DYNC1I1: variants seen among roughly 807,000 people sequenced by gnomAD.
DYNC1I1 encodes the protein dynein cytoplasmic 1 intermediate chain 1.
Under a neutral mutation model 86.6 loss-of-function variants are expected in DYNC1I1, and 43 were observed. The observed-to-expected ratio is 0.50, with a 90% confidence interval of 0.39 to 0.64. DYNC1I1 has a LOEUF of 0.64. DYNC1I1 is among the 30% of genes least tolerant of loss of function. The pLI is 0.00. For missense variants in DYNC1I1, 604 were observed against 788.8 expected, an observed-to-expected ratio of 0.77 and a Z score of 2.81; for synonymous variants, 262 against 283.7, an observed-to-expected ratio of 0.92 and a Z score of 0.77.
At chr7:95,860,090 A>G (rs915151725) in intron 5 of DYNC1I1, among the ~76,000 whole-genome samples, 1 of 152,180 alleles carries the variant, frequency 6.6e-6, no homozygotes, top group African/African-American at 2.4e-5. Context: ...ATGCACGGTT[A>G]TTCAAATTAA....
chr7:95,831,874 T>C (rs1334282399), intron 5 of DYNC1I1, among the ~76,000 whole-genome samples: 1 of 152,176 alleles, frequency 6.6e-6, no homozygotes, highest in South Asian at 2.1e-4. Context: ...TTTCAGTTCT[T>C]TATATATTTT....
chr7:96,043,542 A>AT lies in DYNC1I1; in HGVS notation c.1509+4121_1509+4122insT, dbSNP rs531979689. ...TTGGAAGTGGAAACAATGTATTAAA[A>AT]AAAAAAAAACAGAACAAAACAAAAC... On this transcript the variant is annotated intron_variant, in intron 14 of 16. Coordinates refer to ENST00000447467, the MANE Select transcript of DYNC1I1 (RefSeq NM_001135556.2). Among the ~76,000 whole-genome samples, 960 of 152,046 alleles carry AT rather than the reference A, an allele frequency of 6.3e-3. 7 individuals are homozygous for AT. The highest frequency in any genetic ancestry group is 0.022 in the African/African-American group (909 of 41,474).
intron 16 of DYNC1I1, among the ~76,000 whole-genome samples, chr7:96,106,493 C>A (rs1357159262): frequency 6.6e-6 from 1 of 152,022 alleles, no homozygotes; most frequent in Non-Finnish European, 1.5e-5. Flanking sequence ...CAAGATCGCG[C>A]CATTGCACTC....
At chr7:96,055,255 G>C (rs1789539327) in intron 14 of DYNC1I1, among the ~76,000 whole-genome samples, 1 of 151,992 alleles carries the variant, frequency 6.6e-6, no homozygotes, top group Non-Finnish European at 1.5e-5. Context: ...ACTGGGGTCT[G>C]TCGGGGGCTT....
intron 6 of DYNC1I1, among the ~76,000 whole-genome samples, chr7:95,873,487 A>T (rs1409308611): frequency 6.6e-6 from 1 of 152,236 alleles, no homozygotes; most frequent in East Asian, 1.9e-4. Context: ...TAGAGAATTA[A>T]GGTATTCACA....
intron 1 of DYNC1I1, among the ~76,000 whole-genome samples, chr7:95,777,930 C>T (rs1793888146): frequency 6.6e-6 from 1 of 152,116 alleles, no homozygotes; most frequent in Non-Finnish European, 1.5e-5. Context: ...ACATCTAATG[C>T]TTTTCATCAT....
chr7:96,029,686 C>T (rs531506113), intron 11 of DYNC1I1, among the ~76,000 whole-genome samples: 25 of 152,200 alleles, frequency 1.6e-4, no homozygotes, highest in African/African-American at 5.8e-4. Context: ...GAGGCCAAGA[C>T]AGGTGGATCA....
chr7:96,079,785 G>C (rs1471451238), intron 15 of DYNC1I1, among the ~76,000 whole-genome samples: 1 of 152,116 alleles, frequency 6.6e-6, no homozygotes, highest in South Asian at 2.1e-4. Context: ...GAAAGAGAGA[G>C]AGAGAGAATT....
chr7:95,805,489 A>G (rs1307125625), intron 2 of DYNC1I1, among the ~76,000 whole-genome samples: 1 of 152,066 alleles, frequency 6.6e-6, no homozygotes, highest in African/African-American at 2.4e-5. Context: ...AATTTCAGAG[A>G]CTTTCCACTG....
chr7:95,862,445 A>C (rs1789911172), intron 5 of DYNC1I1, among the ~76,000 whole-genome samples: 1 of 152,186 alleles, frequency 6.6e-6, no homozygotes, highest in Non-Finnish European at 1.5e-5. Flanking sequence ...CAGTAAGCAC[A>C]AAAAAAGATA....
intron 6 of DYNC1I1, among the ~76,000 whole-genome samples, chr7:95,919,566 G>C (rs1791559306): frequency 6.6e-6 from 1 of 152,162 alleles, no homozygotes; most frequent in Non-Finnish European, 1.5e-5. Context: ...ACAATTCATA[G>C]TTTTAATTAA....
At chr7:95,902,297 T>A (rs987129996) in intron 6 of DYNC1I1, among the ~76,000 whole-genome samples, 2 of 152,168 alleles carry the variant, frequency 1.3e-5, no homozygotes, top group African/African-American at 4.8e-5. Flanking sequence ...AATATTAAAC[T>A]AAAATATGTC....
At chr7:95,799,388 A>G (rs1181191071) in intron 1 of DYNC1I1, among the ~76,000 whole-genome samples, 1 of 152,092 alleles carries the variant, frequency 6.6e-6, no homozygotes, top group Non-Finnish European at 1.5e-5. Flanking sequence ...CAGAAAAAAA[A>G]GAAGAAACTT....
At chr7:95,824,977 A>G (rs1371764220) in intron 4 of DYNC1I1, among the ~76,000 whole-genome samples, 1 of 152,222 alleles carries the variant, frequency 6.6e-6, no homozygotes. Flanking sequence ...CTTGAAGGGA[A>G]CCACCCCACA....
intron 16 of DYNC1I1, among the ~76,000 whole-genome samples, chr7:96,088,880 C>A (rs1452170530): frequency 6.6e-6 from 1 of 152,104 alleles, no homozygotes; most frequent in Non-Finnish European, 1.5e-5. Context: ...ATCAGAACAT[C>A]TTTTAAATTT....
At chr7:95,837,578 C>CTTGCAGT (rs746036183) in intron 5 of DYNC1I1, 467 of 155,482 alleles carry the variant, frequency 3.0e-3, no homozygotes, top group Non-Finnish European at 5.0e-3. Context: ...TCGCTGCCAC[C>CTTGCAGT]TTGCAGTTTG....
chr7:96,081,693 A>G (rs181727192), intron 16 of DYNC1I1, among the ~76,000 whole-genome samples: 4 of 152,298 alleles, frequency 2.6e-5, no homozygotes, highest in Admixed American at 6.5e-5. Context: ...GATCACACTG[A>G]GAAGGGTTCT....
intron 6 of DYNC1I1, among the ~76,000 whole-genome samples, chr7:95,873,297 T>C (rs1271943364): frequency 6.6e-6 from 1 of 152,192 alleles, no homozygotes; most frequent in Admixed American, 6.5e-5. Flanking sequence ...ATTTGTTTGA[T>C]TTGCCATAGA....
intron 16 of DYNC1I1, among the ~76,000 whole-genome samples, chr7:96,105,939 G>T (rs1009695453): frequency 6.6e-6 from 1 of 152,106 alleles, no homozygotes; most frequent in Non-Finnish European, 1.5e-5. Context: ...TCCATATAAA[G>T]TTGTTCATAC....
Sources: allele counts gnomAD v4.1 joint callset (sites outside exome capture counted in the v4.1 genomes callset), GRCh38; gene constraint gnomAD v4.1.1; transcripts MANE v1.5; gene names NCBI Gene and HGNC (gene_info 2026-07-23, HGNC 2026-07-21).